MCMBP: variants seen among roughly 807,000 people sequenced by gnomAD.
MCMBP encodes the protein minichromosome maintenance complex binding protein, also known as mini-chromosome maintenance complex-binding protein.
In MCMBP, 31 loss-of-function variants were observed where a neutral mutation model predicts 81.3. The observed-to-expected ratio is 0.38, with a 90% CI of 0.29 to 0.51. MCMBP has a LOEUF of 0.51. MCMBP is among the 20% of genes least tolerant of loss of function. The pLI is 0.87. For synonymous variants in MCMBP, 267 were observed against 275.9 expected, an observed-to-expected ratio of 0.97 and a Z score of 0.32; for missense variants, 645 against 772.1, an observed-to-expected ratio of 0.84 and a Z score of 1.95.
At chr10:119,856,683 C>T (rs1165130139) in intron 5 of MCMBP, among the ~76,000 whole-genome samples, 1 of 152,116 alleles carries the variant, frequency 6.6e-6, no homozygotes. Context: ...GTGGGCCATG[C>T]CTTAAAAAAT....
intron 8 of MCMBP, among the ~76,000 whole-genome samples, chr10:119,847,077 G>T (rs1194008020): frequency 6.6e-6 from 1 of 151,966 alleles, no homozygotes; most frequent in Admixed American, 6.6e-5. Flanking sequence ...TGAAAAATGG[G>T]AATCAAGTTT....
At chr10:119,859,715 T>C in intron 2 of MCMBP, 84 bp downstream of exon 2, 3 of 801,484 alleles carry the variant, frequency 3.7e-6, no homozygotes, top group Non-Finnish European at 4.0e-6. Flanking sequence ...ATTTTTAAAT[T>C]ACATGTGGGT....
At chr10:119,871,841 G>C in intron 1 of MCMBP, among the ~76,000 whole-genome samples, 1 of 152,178 alleles carries the variant, frequency 6.6e-6, no homozygotes, top group East Asian at 1.9e-4. Flanking sequence ...CAGTAAAGTA[G>C]CAACAGCAAT....
chr10:119,842,358 A>G, intron 10 of MCMBP, 114 bp downstream of exon 10: 1 of 1,207,424 alleles, frequency 8.3e-7, no homozygotes, highest in Middle Eastern at 2.2e-4. Context: ...ACAGATAAAA[A>G]CCATGTGATG....
chr10:119,865,792 C>A (rs2134405218), intron 1 of MCMBP, among the ~76,000 whole-genome samples: 1 of 151,996 alleles, frequency 6.6e-6, no homozygotes, highest in South Asian at 2.1e-4. Context: ...AAAAGGAATG[C>A]AGACTGGGTA....
rs374361695 is a variant in MCMBP, at chr10:119,856,234, C to CA, written c.429+1103dup. On this transcript the variant is annotated intron_variant, in intron 5 of 15. Transcript: ENST00000369077. ...AGACTCCATCTCAAGAAAACAAAAA[C>CA]AAACAAACAAAAAACAAACAAAAAG... is the stretch of plus-strand genomic sequence containing the variant. Among the ~76,000 whole-genome samples, 630 of 152,164 alleles carry CA rather than the reference C, an allele frequency of 4.1e-3. 5 individuals carry two copies. Among genetic ancestry groups the CA allele is most frequent in the African/African-American group, 0.014 (598 of 41,490 alleles).
In MCMBP at chr10:119,849,552, C is replaced by T. The variant is rs1589787714; in HGVS notation, c.599G>A (p.Cys200Tyr). ...QAGSVGGLQW[C>Y]GEPKRLETEA... is the part of the protein sequence containing the mutation. ...AGTTTCTAAACGTTTTGGCTCTCCA[C>T]ACCATTGAAGACCACCAACACTCCC... is the stretch of plus-strand genomic sequence containing the variant. Residue 200 changes from cysteine (C) to tyrosine (Y), a missense_variant, in exon 7 of 16, where the codon TGT (cysteine) becomes TAT (tyrosine). Physicochemically the swap from Cys to Tyr is radical, Grantham distance 194. Transcript: ENST00000369077. The T allele has an allele frequency of 5.6e-6, 9 of 1,603,478 alleles. No homozygotes were observed. Among genetic ancestry groups the T allele is most frequent in the Non-Finnish European group, 7.6e-6 (9 of 1,176,988 alleles).
rs2134354613 is a variant in MCMBP at position 119,842,713 on chromosome 10, AC to A, written c.1001-119del. 3.6e-6 allele frequency: 4 copies of A among 1,106,930 alleles called. No homozygotes were observed. In the South Asian group the frequency reaches 6.5e-5, roughly 18 times the overall value. 68.6% of individuals were successfully genotyped at this position (1,106,930 alleles called of 1,614,324 possible). On this transcript the variant is annotated intron_variant, in intron 9 of 15. Transcript: ENST00000369077. ...TTCAGTCGACAGTAGGTAAAGCTTAACATATCCGTCAGTAAGTGATGCTAAT... is the reference window on the plus strand; with the variant it reads ...TTCAGTCGACAGTAGGTAAAGCTTAAATATCCGTCAGTAAGTGATGCTAAT...
intron 5 of MCMBP, 28 bp downstream of exon 5, chr10:119,857,310 A>C: frequency 6.7e-7 from 1 of 1,493,422 alleles, no homozygotes. Flanking sequence ...AACCATCAAC[A>C]CAGTAAGAAA....
chr10:119,849,491 G>A lies in MCMBP; in HGVS notation c.660C>T (p.Asn220=). The A allele has an allele frequency of 6.2e-7, 1 of 1,611,472 alleles. No homozygotes were observed. The highest frequency in any genetic ancestry group is 1.3e-5 in the African/African-American group (1 of 74,770). Residue 220 remains asparagine (N), a synonymous_variant, in exon 7 of 16, where the codon AAC becomes AAT. Coordinates refer to ENST00000369077, the MANE Select transcript of MCMBP (RefSeq NM_001256378.2). ...ASTGQQLNSL[N]LSSPFDLNFP... is the part of the protein sequence containing the mutation. ...AATTCAAATCAAAAGGAGAAGACAA[G>A]TTCAGAGAGTTCAGCTGTTGCCCAG... is the stretch of plus-strand genomic sequence containing the variant.
chr10:119,871,015 A>G (rs1853651485), intron 1 of MCMBP, among the ~76,000 whole-genome samples: 1 of 152,230 alleles, frequency 6.6e-6, no homozygotes, highest in African/African-American at 2.4e-5. Context: ...AATACATTCA[A>G]ATCTCTATCA....
Position 119,853,093 on chromosome 10 carries a change from C to T in MCMBP, c.531G>A (p.Gln177=). The T allele has an allele frequency of 6.2e-7, 1 of 1,614,194 alleles. No homozygotes were observed. The highest frequency in any genetic ancestry group is 8.5e-7 in the Non-Finnish European group (1 of 1,180,046). The change falls in exon 6 of 16, where the codon CAG becomes CAA. Residue 177 remains glutamine, a synonymous_variant. Transcript: ENST00000369077. ...CATGTTGGTCTTTCTGCTTATTGGG[C>T]TGTAGGTCCATATCGTCATCATCTT... ...SYEDDDDMDL[Q]PNKQKDQHAG...
intron 5 of MCMBP, 72 bp from the exon 6 acceptor site, chr10:119,853,266 T>C: frequency 1.4e-6 from 2 of 1,456,822 alleles, no homozygotes; most frequent in Non-Finnish European, 1.9e-6. Flanking sequence ...TTATATGACT[T>C]ATAAAAAATT....
At chr10:119,838,179 C>T (rs1852312508) in intron 12 of MCMBP, among the ~76,000 whole-genome samples, 1 of 150,406 alleles carries the variant, frequency 6.6e-6, no homozygotes, top group African/African-American at 2.4e-5. Context: ...TATTACTGCT[C>T]CATTATACTA....
chr10:119,864,564 GA>G (rs1853382886), intron 1 of MCMBP, among the ~76,000 whole-genome samples: 1 of 138,330 alleles, frequency 7.2e-6, no homozygotes, highest in African/African-American at 2.5e-5. Flanking sequence ...AGTATGGCTA[GA>G]GGTTTACAAT....
intron 6 of MCMBP, among the ~76,000 whole-genome samples, chr10:119,850,197 G>A (rs1852759988): frequency 6.6e-6 from 1 of 152,130 alleles, no homozygotes; most frequent in South Asian, 2.1e-4. Flanking sequence ...CAACAATTGG[G>A]ATGGATCTCA....
chr10:119,866,658 G>A (rs1401555181), intron 1 of MCMBP, among the ~76,000 whole-genome samples: 1 of 151,822 alleles, frequency 6.6e-6, no homozygotes, highest in Non-Finnish European at 1.5e-5. Context: ...GGTGGTGATG[G>A]TTGCACAACA....
upstream of MCMBP, among the ~76,000 whole-genome samples, chr10:119,873,031 G>T (rs2134423005): frequency 6.6e-6 from 1 of 152,014 alleles, no homozygotes; most frequent in African/African-American, 2.4e-5. Flanking sequence ...CGCAGCGCGG[G>T]GCCCGGCGAC....
intron 6 of MCMBP, among the ~76,000 whole-genome samples, chr10:119,851,337 G>T (rs188164278): frequency 1.3e-5 from 2 of 152,126 alleles, no homozygotes; most frequent in East Asian, 3.8e-4. Context: ...AACAAGAATG[G>T]TAAGAAATAA....
Sources: allele counts gnomAD v4.1 joint callset (sites outside exome capture counted in the v4.1 genomes callset), GRCh38; gene constraint gnomAD v4.1.1; transcripts MANE v1.5; gene names NCBI Gene and HGNC (gene_info 2026-07-23, HGNC 2026-07-21).